The following C2CD3 variants were observed in gnomAD, a reference collection of about 807,000 sequenced individuals.
The protein encoded by C2CD3 is C2 domain-containing protein 3.
Under a neutral mutation model 234.0 loss-of-function variants are expected in C2CD3, and 148 were observed. That is an observed-to-expected ratio of 0.63 (90% CI 0.55 to 0.72). The LOEUF is 0.72. Among genes scored for constraint, C2CD3 ranks in the 30% least tolerant of loss-of-function variants. The probability of loss-of-function intolerance (pLI) is 0.00; values close to 1 mark genes in which losing one functional copy is unlikely to be tolerated. For synonymous variants in C2CD3, 1,000 were observed against 1,035.4 expected (o/e 0.97, Z 0.66); for missense variants, 2,577 against 2,811.5 (o/e 0.92, Z 1.89).
At chr11:74,047,294 T>C (rs1047836514) in intron 28 of C2CD3, among the ~76,000 whole-genome samples, 1 of 152,238 alleles carries the variant, frequency 6.6e-6, no homozygotes, top group Non-Finnish European at 1.5e-5. Flanking sequence ...GGGACATCTT[T>C]ATGTGGACAA....
intron 3 of C2CD3, among the ~76,000 whole-genome samples, chr11:74,145,739 G>A (rs1855138071): frequency 6.6e-6 from 1 of 151,984 alleles, no homozygotes; most frequent in Admixed American, 6.6e-5. Context: ...GTAAGTAAGG[G>A]GTCCAGTTTC....
intron 3 of C2CD3, among the ~76,000 whole-genome samples, chr11:74,158,448 C>A (rs1376362657): frequency 6.6e-6 from 1 of 152,068 alleles, no homozygotes; most frequent in African/African-American, 2.4e-5. Flanking sequence ...CAGGGCTGGG[C>A]GTGGTGGCTC....
intron 22 of C2CD3, 101 bp from the exon 23 acceptor site, chr11:74,078,818 G>T: frequency 8.9e-7 from 1 of 1,123,394 alleles, no homozygotes; most frequent in African/African-American, 1.6e-5. Flanking sequence ...CCTGGCTCAA[G>T]ACAGAACAGA....
chr11:74,126,260 T>G (rs1957411188), intron 7 of C2CD3, among the ~76,000 whole-genome samples: 1 of 152,228 alleles, frequency 6.6e-6, no homozygotes. Flanking sequence ...TTCCTGATAC[T>G]GTATATGTGA....
chr11:74,072,222 T>A (rs1291662025), intron 24 of C2CD3, among the ~76,000 whole-genome samples: 1 of 152,186 alleles, frequency 6.6e-6, no homozygotes, highest in African/African-American at 2.4e-5. Flanking sequence ...TGTCCTGATA[T>A]AGAATGTTTC....
intron 9 of C2CD3, among the ~76,000 whole-genome samples, chr11:74,116,262 G>C (rs915319864): frequency 7.9e-5 from 12 of 151,896 alleles, no homozygotes; most frequent in African/African-American, 2.9e-4. Context: ...TATAAGGAAT[G>C]CAAACAAATT....
chr11:74,051,670 A>C (rs1025173609), intron 26 of C2CD3, among the ~76,000 whole-genome samples: 11 of 152,278 alleles, frequency 7.2e-5, no homozygotes, highest in African/African-American at 2.4e-4. Context: ...TTCATTCCTC[A>C]GTTCAGGTGT....
intron 2 of C2CD3, among the ~76,000 whole-genome samples, chr11:74,167,530 G>A (rs1172728245): frequency 6.6e-6 from 1 of 152,140 alleles, no homozygotes. Context: ...ACATGTTGAT[G>A]TTTCAAAAAT....
chr11:74,135,991 G>C (rs1221601558), intron 5 of C2CD3, among the ~76,000 whole-genome samples: 1 of 152,058 alleles, frequency 6.6e-6, no homozygotes, highest in Non-Finnish European at 1.5e-5. Flanking sequence ...ATGGGGGCAA[G>C]GGTTGAAAAA....
intron 29 of C2CD3, among the ~76,000 whole-genome samples, chr11:74,037,939 T>C (rs1952821055): frequency 6.6e-6 from 1 of 152,178 alleles, no homozygotes; most frequent in African/African-American, 2.4e-5. Context: ...CCTCATCTGA[T>C]GTCCAGCAAA....
intron 8 of C2CD3, among the ~76,000 whole-genome samples, chr11:74,121,024 C>T (rs1030115284): frequency 1.3e-5 from 2 of 150,698 alleles, no homozygotes; most frequent in African/African-American, 2.4e-5. Flanking sequence ...TAAAATGTTT[C>T]AGGAGTGGCA....
At chr11:74,089,039 T>C (rs1309966706) in intron 20 of C2CD3, among the ~76,000 whole-genome samples, 1 of 152,218 alleles carries the variant, frequency 6.6e-6, no homozygotes, top group Non-Finnish European at 1.5e-5. Context: ...TATATGAGTA[T>C]AGCAGTACAT....
intron 3 of C2CD3, among the ~76,000 whole-genome samples, chr11:74,141,092 C>A (rs1958034148): frequency 6.6e-6 from 1 of 152,058 alleles, no homozygotes; most frequent in Non-Finnish European, 1.5e-5. Context: ...GTTTAAGCAC[C>A]CAAAGACCGT....
At chr11:74,103,667 T>C in intron 13 of C2CD3, 42 bp from the exon 14 acceptor site, 3 of 1,538,640 alleles carry the variant, frequency 1.9e-6, no homozygotes, top group South Asian at 1.2e-5. Context: ...GAATGTCCTT[T>C]AGAATTGGAA....
At chr11:74,157,282 AG>A (rs539095566) in intron 3 of C2CD3, among the ~76,000 whole-genome samples, 10 of 152,318 alleles carry the variant, frequency 6.6e-5, no homozygotes, top group Non-Finnish European at 1.3e-4. Context: ...CTCTTTTCAT[AG>A]TATTTACTTA....
intron 27 of C2CD3, among the ~76,000 whole-genome samples, chr11:74,048,845 G>A (rs1953520769): frequency 6.6e-6 from 1 of 151,930 alleles, no homozygotes; most frequent in African/African-American, 2.4e-5. Context: ...AGAAAACATA[G>A]TCTTTGCCTT....
chr11:74,153,213 A>G (rs1855786758), intron 3 of C2CD3, among the ~76,000 whole-genome samples: 3 of 48,178 alleles, frequency 6.2e-5, no homozygotes, highest in Admixed American at 5.3e-4. Context: ...GTCTCTTAAA[A>G]ACAAAACAAA....
chr11:74,034,114 T>G lies in C2CD3; in HGVS notation c.6046A>C (p.Thr2016Pro), dbSNP rs745496548. 27 of 1,536,100 alleles carry G rather than the reference T, an allele frequency of 1.8e-5. No individual in the cohort carries two copies. The highest frequency in any genetic ancestry group is 2.2e-5 in the Non-Finnish European group (25 of 1,146,928). Residue 2016 changes from threonine to proline, a missense_variant, in exon 31 of 33, where the codon ACA (threonine) becomes CCA (proline). Transcript: ENST00000334126. ...EPLVRAPDKGTDSPSPPPLEE... is the reference protein window; with the variant it reads ...EPLVRAPDKGPDSPSPPPLEE... ...AGAGGAGGGGGTGATGGGGAATCTG[T>G]GCCTTTATCTGGAGCTCTTACCAAT...
chr11:74,068,288 TA>T (rs1954633948), intron 24 of C2CD3, among the ~76,000 whole-genome samples: 1 of 152,182 alleles, frequency 6.6e-6, no homozygotes, highest in Non-Finnish European at 1.5e-5. Flanking sequence ...TTTCTTCCAA[TA>T]AAATGTCATA....
Sources: allele counts gnomAD v4.1 joint callset (sites outside exome capture counted in the v4.1 genomes callset), GRCh38; gene constraint gnomAD v4.1.1; transcripts MANE v1.5; gene names NCBI Gene and HGNC (gene_info 2026-07-23, HGNC 2026-07-21).